Variants in MYO5B observed in about 807,000 individuals in gnomAD.
MYO5B encodes unconventional myosin-Vb.
MYO5B carries 143 observed loss-of-function variants against 229.3 expected under a neutral mutation model. The observed-to-expected ratio is 0.62, with a 90% CI of 0.54 to 0.72. MYO5B has a LOEUF of 0.72. Ranked by LOEUF, MYO5B falls within the 30% of genes least tolerant of loss-of-function variation. MYO5B has a pLI of 0.00. For missense variants in MYO5B, 2,321 were observed against 2,331.0 expected (o/e 1.00, Z 0.09); for synonymous variants, 918 against 885.2 (o/e 1.04, Z -0.66).
intron 33 of MYO5B, among the ~76,000 whole-genome samples, chr18:49,843,897 G>A (rs2024093618): frequency 6.6e-6 from 1 of 152,218 alleles, no homozygotes; most frequent in Admixed American, 6.5e-5. Flanking sequence ...GGCTAGGGAG[G>A]TTGGAACAAT....
In MYO5B at chr18:50,142,445, C is replaced by T. The variant is rs549152161; in HGVS notation, c.27+52322G>A. ...AACCAGATATTCATGAGCAACCAAA[C>T]AACTACTGCATCCACTTCCCAACCA... On this transcript the variant is annotated intron_variant, in intron 1 of 39. Transcript: ENST00000285039. Among the ~76,000 whole-genome samples the T allele has an allele frequency of 2.0e-5, 3 of 152,322 alleles. No homozygotes were observed. In the South Asian group the frequency reaches 6.2e-4, roughly 32 times the overall value.
At chr18:49,837,830 T>C (rs1423486157) in intron 36 of MYO5B, 28 bp from the exon 37 acceptor site, 2 of 1,612,822 alleles carry the variant, frequency 1.2e-6, no homozygotes, top group Non-Finnish European at 1.7e-6. Context: ...TTAGAGAAGC[T>C]TGCATTCCCC....
intron 1 of MYO5B, among the ~76,000 whole-genome samples, chr18:50,121,347 G>A (rs1399707557): frequency 3.3e-5 from 5 of 152,170 alleles, no homozygotes; most frequent in African/African-American, 1.2e-4. Context: ...TACATACACT[G>A]GTAGCTTTAT....
At chr18:50,094,440 C>G (rs2031511072) in intron 1 of MYO5B, among the ~76,000 whole-genome samples, 1 of 151,350 alleles carries the variant, frequency 6.6e-6, no homozygotes, top group Admixed American at 6.6e-5. Context: ...TGGTGTTCTC[C>G]CAGTTTTCTT....
At chr18:49,953,969 G>C in intron 13 of MYO5B, among the ~76,000 whole-genome samples, 1 of 145,914 alleles carries the variant, frequency 6.9e-6, no homozygotes. Context: ...GTGTGTGTAT[G>C]TGTGTGTGTA....
intron 1 of MYO5B, among the ~76,000 whole-genome samples, chr18:50,179,157 C>T (rs1474521147): frequency 1.3e-5 from 2 of 152,116 alleles, no homozygotes; most frequent in Non-Finnish European, 2.9e-5. Flanking sequence ...AACCACCAGC[C>T]ACCACCAGAA....
chr18:50,153,421 A>G (rs1044434318), intron 1 of MYO5B, among the ~76,000 whole-genome samples: 2 of 152,114 alleles, frequency 1.3e-5, no homozygotes, highest in African/African-American at 4.8e-5. Flanking sequence ...ATATATTTAT[A>G]AGCACAAGCA....
At chr18:49,992,878 A>G (rs552145714) in intron 5 of MYO5B, among the ~76,000 whole-genome samples, 1 of 152,342 alleles carries the variant, frequency 6.6e-6, no homozygotes, top group South Asian at 2.1e-4. Flanking sequence ...ACTTTCTGGA[A>G]AAAAACAAAC....
At chr18:50,054,138 G>C (rs2030479806) in intron 2 of MYO5B, among the ~76,000 whole-genome samples, 1 of 152,136 alleles carries the variant, frequency 6.6e-6, no homozygotes, top group African/African-American at 2.4e-5. Context: ...GAAGGTCTCA[G>C]GGCTTTGGCA....
At chr18:50,021,859 C>T (rs2026279170) in intron 4 of MYO5B, among the ~76,000 whole-genome samples, 1 of 151,990 alleles carries the variant, frequency 6.6e-6, no homozygotes, top group Non-Finnish European at 1.5e-5. Flanking sequence ...GTTAACATTC[C>T]TTTTGGGGTT....
intron 5 of MYO5B, among the ~76,000 whole-genome samples, chr18:49,995,671 A>G (rs1225321882): frequency 6.6e-6 from 1 of 152,188 alleles, no homozygotes; most frequent in African/African-American, 2.4e-5. Flanking sequence ...TCTCAGGGCA[A>G]TTAAGTAGTT....
chr18:50,161,263 A>G (rs1452846350), intron 1 of MYO5B, among the ~76,000 whole-genome samples: 2 of 152,182 alleles, frequency 1.3e-5, no homozygotes, highest in Non-Finnish European at 2.9e-5. Context: ...ACATGCCTGT[A>G]ATCCCAGCTA....
intron 1 of MYO5B, among the ~76,000 whole-genome samples, chr18:50,079,899 G>C (rs976571739): frequency 2.0e-5 from 3 of 152,224 alleles, no homozygotes; most frequent in Admixed American, 2.0e-4. Flanking sequence ...GTTGCCACAG[G>C]AGCACAATGG....
chr18:49,836,730 G>C lies in MYO5B; in HGVS notation c.5294C>G (p.Thr1765Ser). Residue 1765 changes from threonine to serine, a missense_variant, in exon 38 of 40, where the codon ACC becomes AGC. Thr to Ser is a moderately conservative substitution (Grantham distance 58). This residue lies in a region of MYO5B where 208 missense variants were observed against 286.3 expected (regional missense o/e 0.73). Coordinates refer to ENST00000285039, the MANE Select transcript of MYO5B (RefSeq NM_001080467.3). Reference protein sequence around the residue: ...EDAEAICSLCTSLSTQQIVKI... With the variant: ...EDAEAICSLCSSLSTQQIVKI... ...CTGTACCTGCTGGGTGCTGAGGGAGGTACACAGGGAGCAGATAGCCTCTGC... is the reference window on the plus strand; with the variant it reads ...CTGTACCTGCTGGGTGCTGAGGGAGCTACACAGGGAGCAGATAGCCTCTGC... The C allele has an allele frequency of 6.2e-7, 1 of 1,614,112 alleles. No homozygotes were observed. Among genetic ancestry groups the C allele is most frequent in the Non-Finnish European group, 8.5e-7 (1 of 1,179,984 alleles).
chr18:49,856,965 T>G, intron 29 of MYO5B, 75 bp from the exon 30 acceptor site: 1 of 1,300,262 alleles, frequency 7.7e-7, no homozygotes, highest in East Asian at 2.3e-5. Context: ...TCCTGGAAAG[T>G]GAGGAGATTC....
intron 1 of MYO5B, among the ~76,000 whole-genome samples, chr18:50,107,243 C>A (rs2031779068): frequency 6.7e-6 from 1 of 150,274 alleles, no homozygotes. Flanking sequence ...TCTCCTGCCT[C>A]AGCCTCCCAA....
chr18:50,045,963 G>A (rs1202581014), intron 2 of MYO5B, among the ~76,000 whole-genome samples: 1 of 152,190 alleles, frequency 6.6e-6, no homozygotes, highest in African/African-American at 2.4e-5. Context: ...TAGTACAACA[G>A]CAAGATGGTA....
chr18:49,890,723 C>T (rs1326331415), intron 22 of MYO5B, among the ~76,000 whole-genome samples: 1 of 152,172 alleles, frequency 6.6e-6, no homozygotes, highest in African/African-American at 2.4e-5. Flanking sequence ...GCCATCTGTC[C>T]TTGATGCTGT....
intron 29 of MYO5B, among the ~76,000 whole-genome samples, chr18:49,859,911 C>A (rs1331601138): frequency 1.3e-5 from 2 of 152,188 alleles, no homozygotes; most frequent in Admixed American, 6.5e-5. Context: ...CCGAGCAAAT[C>A]TTGAGACTGC....
Sources: allele counts gnomAD v4.1 joint callset (sites outside exome capture counted in the v4.1 genomes callset), GRCh38; gene constraint gnomAD v4.1.1; regional missense constraint gnomAD v4.1.1; transcripts MANE v1.5; gene names NCBI Gene and HGNC (gene_info 2026-07-23, HGNC 2026-07-21).